SH2D4A: variants seen among roughly 807,000 people sequenced by gnomAD.
SH2D4A encodes SH2 domain containing 4A.
In SH2D4A, 70 loss-of-function variants were observed where a neutral mutation model predicts 64.7. The observed-to-expected ratio is 1.08, with a 90% CI of 0.89 to 1.32. The LOEUF (loss-of-function observed/expected upper bound fraction) is 1.32, where lower values mean the gene tolerates loss of function less well. Ranked by LOEUF, SH2D4A falls within the 40% of genes most tolerant of loss-of-function variation. SH2D4A has a pLI of 0.00. For missense variants in SH2D4A, 706 were observed against 540.1 expected (o/e 1.31, Z -3.04); for synonymous variants, 268 against 200.7 (o/e 1.34, Z -2.83).
intron 1 of SH2D4A, chr8:19,314,115 G>C (rs1244729070): frequency 2.3e-5 from 26 of 1,140,716 alleles, no homozygotes; most frequent in Non-Finnish European, 2.7e-5. Flanking sequence ...GGGCTTGCAG[G>C]GGGTGGCGGG....
In SH2D4A at chr8:19,314,514, C is replaced by T. The variant is rs753153443; in HGVS notation, c.-205+691C>T. Reference sequence around the variant, plus strand: ...CGCTCAGCCAAGCGGCGCCCCTGCCCGCTCCTGGACTCGGGGGTCACGCGG... The same window carrying T: ...CGCTCAGCCAAGCGGCGCCCCTGCCTGCTCCTGGACTCGGGGGTCACGCGG... On this transcript the variant is annotated intron_variant, in intron 1 of 9. Coordinates refer to ENST00000265807, the MANE Select transcript of SH2D4A (RefSeq NM_022071.4). 3.9e-5 allele frequency among the ~76,000 whole-genome samples: 6 copies of T among 152,214 alleles called. No individual in the cohort carries two copies. In the East Asian group the frequency reaches 5.8e-4, roughly 15 times the overall value.
chr8:19,361,155 T>TTTTTG (rs140756695), intron 5 of SH2D4A, 48 bp from the exon 6 acceptor site: 155,479 of 1,148,494 alleles, frequency 0.14, 13,369 homozygotes, highest in African/African-American at 0.32. Context: ...CAAGGTTCTT[T>TTTTTG]TTTTGTTTTG....
At chr8:19,379,428 C>T (rs1173371065) in intron 8 of SH2D4A, among the ~76,000 whole-genome samples, 1 of 152,188 alleles carries the variant, frequency 6.6e-6, no homozygotes, top group Non-Finnish European at 1.5e-5. Flanking sequence ...TTGATGCACT[C>T]TTGAGTTGCT....
intron 4 of SH2D4A, among the ~76,000 whole-genome samples, chr8:19,341,048 C>T (rs1045291965): frequency 2.0e-5 from 3 of 152,104 alleles, no homozygotes; most frequent in Admixed American, 6.5e-5. Context: ...AGTGATTAAC[C>T]CCAAAATTAC....
At chr8:19,345,574 A>G (rs1275140366) in intron 4 of SH2D4A, among the ~76,000 whole-genome samples, 1 of 152,214 alleles carries the variant, frequency 6.6e-6, no homozygotes, top group East Asian at 1.9e-4. Flanking sequence ...TCTTTGGTCA[A>G]GTGGCATTCC....
rs756161390 is a variant in SH2D4A, at chr8:19,393,298, C to CT, written c.1049-13dup. On this transcript the variant is annotated intron_variant, in intron 8 of 9. Coordinates refer to ENST00000265807, the MANE Select transcript of SH2D4A (RefSeq NM_022071.4). ...GGAATGATTTGGCTGAAATACCTGC[C>CT]TTTTTTTGCTTTGCCACAGGAATTC... 3.0e-5 allele frequency: 49 copies of CT among 1,612,470 alleles called. 2 individuals carry two copies. The highest frequency in any genetic ancestry group is 1.6e-4 in the Middle Eastern group (1 of 6,062).
intron 2 of SH2D4A, among the ~76,000 whole-genome samples, chr8:19,332,254 T>A (rs1343273689): frequency 6.6e-6 from 1 of 152,130 alleles, no homozygotes; most frequent in African/African-American, 2.4e-5. Flanking sequence ...ATGTAAGAAT[T>A]TATGGTGTGA....
intron 8 of SH2D4A, among the ~76,000 whole-genome samples, chr8:19,377,501 T>C (rs1298566815): frequency 6.6e-6 from 1 of 152,232 alleles, no homozygotes; most frequent in Admixed American, 6.5e-5. Context: ...CCATATTTTA[T>C]ATGCTGTAAA....
At chr8:19,331,429 G>A (rs2052363860) in intron 2 of SH2D4A, among the ~76,000 whole-genome samples, 1 of 152,158 alleles carries the variant, frequency 6.6e-6, no homozygotes, top group Non-Finnish European at 1.5e-5. Flanking sequence ...GTTGCCCTGG[G>A]TAGGCCTGAC....
At chr8:19,324,959 C>A (rs565915038) in intron 2 of SH2D4A, among the ~76,000 whole-genome samples, 1 of 152,224 alleles carries the variant, frequency 6.6e-6, no homozygotes, top group Admixed American at 6.5e-5. Flanking sequence ...TGACTCAAAC[C>A]CAGATTGCCA....
At chr8:19,354,112 T>G (rs2052752763) in intron 4 of SH2D4A, among the ~76,000 whole-genome samples, 1 of 151,386 alleles carries the variant, frequency 6.6e-6, no homozygotes, top group Admixed American at 6.6e-5. Context: ...TGTCTCAGCC[T>G]CCCGAATAAC....
intron 8 of SH2D4A, among the ~76,000 whole-genome samples, chr8:19,381,901 G>C (rs1280934410): frequency 6.6e-6 from 1 of 151,816 alleles, no homozygotes; most frequent in South Asian, 2.1e-4. Flanking sequence ...AGATGAGCAT[G>C]TATTTTTTTT....
chr8:19,331,523 A>C (rs1376361688), intron 2 of SH2D4A, among the ~76,000 whole-genome samples: 1 of 152,154 alleles, frequency 6.6e-6, no homozygotes, highest in African/African-American at 2.4e-5. Context: ...ATGTGGCCGC[A>C]TTTCAGGAGC....
chr8:19,321,543 G>A (rs186202525), intron 2 of SH2D4A, among the ~76,000 whole-genome samples: 2 of 152,302 alleles, frequency 1.3e-5, no homozygotes, highest in Admixed American at 6.5e-5. Flanking sequence ...AGTAATATAT[G>A]CAAGGTTATA....
At chr8:19,377,304 C>T (rs544581364) in intron 8 of SH2D4A, among the ~76,000 whole-genome samples, 11 of 152,310 alleles carry the variant, frequency 7.2e-5, no homozygotes, top group African/African-American at 1.4e-4. Flanking sequence ...ATTGCTTGAA[C>T]GCAGGAGGCG....
Position 19,313,749 on chromosome 8 carries a change from T to A in SH2D4A, c.-279T>A. ...ACGCCTCTGCCTTTCCCTCCCTCCC[T>A]TCCCCGACGGCTTCTGGCGGCCAAG... is the stretch of plus-strand genomic sequence containing the variant. On this transcript the variant is annotated 5_prime_UTR_variant, in exon 1 of 10. Transcript: ENST00000265807. 1 of 1,506,756 alleles carries A rather than the reference T, an allele frequency of 6.6e-7. No individual in the cohort carries two copies. The highest frequency in any genetic ancestry group is 8.8e-7 in the Non-Finnish European group (1 of 1,132,884). 93.3% of individuals were successfully genotyped at this position (1,506,756 alleles called of 1,614,324 possible). A position where few individuals can be genotyped will look rare whatever the true frequency, so the allele number is the denominator to read the frequency against.
At chr8:19,365,009 C>A (rs182621986) in intron 7 of SH2D4A, among the ~76,000 whole-genome samples, 26 of 152,152 alleles carry the variant, frequency 1.7e-4, no homozygotes, top group Non-Finnish European at 2.9e-4. Context: ...TTTTTAACAT[C>A]CTAGTATTTA....
At chr8:19,338,032 C>G (rs1343964) in intron 4 of SH2D4A, among the ~76,000 whole-genome samples, 10,860 of 152,238 alleles carry the variant, frequency 0.071, 555 homozygotes, top group African/African-American at 0.14. Context: ...TGATTTCTGA[C>G]TCTAGTCTCC....
intron 8 of SH2D4A, among the ~76,000 whole-genome samples, chr8:19,380,344 G>A (rs1022815640): frequency 6.6e-6 from 1 of 152,094 alleles, no homozygotes; most frequent in Admixed American, 6.6e-5. Context: ...TGTTGAGAGT[G>A]TCTTTTGATG....
Sources: gnomAD v4.1 joint callset for allele counts (sites outside exome capture counted in the v4.1 genomes callset) on GRCh38, gnomAD v4.1.1 for gene constraint, MANE v1.5 for transcripts, NCBI Gene and HGNC (gene_info 2026-07-23, HGNC 2026-07-21) for gene names.